Variants in AUTS2 observed in about 807,000 individuals in gnomAD.
AUTS2 encodes autism susceptibility gene 2 protein.
A neutral mutation model predicts 112.4 loss-of-function variants in AUTS2; 17 were observed. The observed-to-expected ratio is 0.15, with a 90% CI of 0.10 to 0.23. AUTS2 has a LOEUF of 0.23. AUTS2 is among the 10% of genes least tolerant of loss of function. The probability of loss-of-function intolerance (pLI) is 1.00; values close to 1 mark genes in which losing one functional copy is unlikely to be tolerated. For missense variants in AUTS2, 1,510 were observed against 1,701.6 expected (o/e 0.89, Z 1.98); for synonymous variants, 751 against 702.7 (o/e 1.07, Z -1.09).
chr7:70,766,417 G>A lies in AUTS2; in HGVS notation c.1689+83G>A, dbSNP rs925676997. 3.0e-5 allele frequency: 45 copies of A among 1,522,628 alleles called. 1 individual carries two copies. In the African/African-American group the frequency reaches 5.0e-4, roughly 17 times the overall value. 94.3% of individuals were successfully genotyped at this position (1,522,628 alleles called of 1,614,324 possible). On this transcript the variant is annotated intron_variant, in intron 9 of 18. Coordinates refer to ENST00000342771, the MANE Select transcript of AUTS2 (RefSeq NM_015570.4). The surrounding 1 kb of genome is among the most constrained non-coding windows in gnomAD (Gnocchi z 4.8). ...AGCACGTGGGACCGGGCTGGGCAGC[G>A]GGGCCACCAGAGATCGAATGGGGAC...
At chr7:70,619,417 C>T (rs1047231880) in intron 5 of AUTS2, among the ~76,000 whole-genome samples, 3 of 152,050 alleles carry the variant, frequency 2.0e-5, no homozygotes, top group Non-Finnish European at 2.9e-5. Context: ...GGAGTGCGTG[C>T]GGCCTGCCAT....
chr7:70,073,545 T>C (rs964872137), intron 2 of AUTS2, among the ~76,000 whole-genome samples: 1 of 151,910 alleles, frequency 6.6e-6, no homozygotes, highest in African/African-American at 2.4e-5. Context: ...TGGGTCAGCC[T>C]TGAGTAGTGG....
intron 5 of AUTS2, among the ~76,000 whole-genome samples, chr7:70,454,290 T>C (rs370780419): frequency 6.6e-6 from 1 of 152,102 alleles, no homozygotes. Flanking sequence ...ATCCCAACAC[T>C]TTGGGAGGCC....
intron 1 of AUTS2, among the ~76,000 whole-genome samples, chr7:69,638,738 A>G (rs1794666300): frequency 6.6e-6 from 1 of 152,210 alleles, no homozygotes; most frequent in African/African-American, 2.4e-5. Context: ...AAAGACATTG[A>G]ATTGACTTCT....
At chr7:69,986,084 G>A (rs1351166686) in intron 2 of AUTS2, among the ~76,000 whole-genome samples, 1 of 152,096 alleles carries the variant, frequency 6.6e-6, no homozygotes, top group Non-Finnish European at 1.5e-5. Flanking sequence ...GTCTTACTCT[G>A]TTATTGTTTC....
intron 5 of AUTS2, among the ~76,000 whole-genome samples, chr7:70,441,206 T>C (rs1012293113): frequency 2.0e-5 from 3 of 152,156 alleles, no homozygotes; most frequent in African/African-American, 7.2e-5. Context: ...GATTGCAGTT[T>C]TTTCTCTCTG....
At chr7:70,003,215 T>TATATATGAATATAA (rs1563029289) in intron 2 of AUTS2, among the ~76,000 whole-genome samples, 1 of 133,174 alleles carries the variant, frequency 7.5e-6, no homozygotes, top group Admixed American at 8.4e-5. Context: ...TATGAATATA[T>TATATATGAATATAA]TATATATGAA....
At chr7:70,346,793 C>G (rs1374283978) in intron 4 of AUTS2, among the ~76,000 whole-genome samples, 1 of 152,162 alleles carries the variant, frequency 6.6e-6, no homozygotes, top group Non-Finnish European at 1.5e-5. Context: ...GCGCCAGGCT[C>G]CATGGTCCCC....
intron 4 of AUTS2, among the ~76,000 whole-genome samples, chr7:70,284,431 T>G (rs1788365260): frequency 6.6e-6 from 1 of 152,164 alleles, no homozygotes; most frequent in Non-Finnish European, 1.5e-5. Context: ...CATGTTATTA[T>G]GTGTTGGGAA....
rs574610218 is a variant in AUTS2, at chr7:69,980,047, A to C, written c.522+80549A>C. Among the ~76,000 whole-genome samples the C allele has an allele frequency of 3.3e-5, 5 of 152,264 alleles. No individual in the cohort carries two copies. The East Asian group carries it at 7.7e-4, about 24-fold the overall frequency. Reference sequence around the variant, plus strand: ...AGCTTCTATCCCTTCTCTTCTCCACATGGTACCACCAGACTTTTCCCCACT... The same window carrying C: ...AGCTTCTATCCCTTCTCTTCTCCACCTGGTACCACCAGACTTTTCCCCACT... On this transcript the variant is annotated intron_variant, in intron 2 of 18. Coordinates refer to ENST00000342771, the MANE Select transcript of AUTS2 (RefSeq NM_015570.4).
chr7:70,331,835 T>C (rs1790766129), intron 4 of AUTS2, among the ~76,000 whole-genome samples: 1 of 152,174 alleles, frequency 6.6e-6, no homozygotes, highest in African/African-American at 2.4e-5. Context: ...TAATAAAAGC[T>C]ATTTATGACA....
chr7:69,904,013 G>C (rs1795064325), intron 2 of AUTS2, among the ~76,000 whole-genome samples: 1 of 152,192 alleles, frequency 6.6e-6, no homozygotes, highest in Non-Finnish European at 1.5e-5. Context: ...AGGAAGAAGA[G>C]GAATCCATCC....
At chr7:70,573,936 A>G (rs1379432332) in intron 5 of AUTS2, among the ~76,000 whole-genome samples, 1 of 152,122 alleles carries the variant, frequency 6.6e-6, no homozygotes. Context: ...ATCTTGCTGA[A>G]ATTTGGGGGA....
chr7:69,902,257 A>C (rs1438999179), intron 2 of AUTS2, among the ~76,000 whole-genome samples: 1 of 152,158 alleles, frequency 6.6e-6, no homozygotes, highest in African/African-American at 2.4e-5. Flanking sequence ...GTAGATGTTC[A>C]AAAAGCTTGT....
At chr7:69,620,385 T>C (rs991608435) in intron 1 of AUTS2, among the ~76,000 whole-genome samples, 1 of 152,218 alleles carries the variant, frequency 6.6e-6, no homozygotes, top group Non-Finnish European at 1.5e-5. Flanking sequence ...TACCGTCAGA[T>C]GGACCCCTGA....
intron 1 of AUTS2, among the ~76,000 whole-genome samples, chr7:69,855,500 T>C (rs916261419): frequency 2.0e-5 from 3 of 152,210 alleles, no homozygotes; most frequent in African/African-American, 7.2e-5. Flanking sequence ...TGCATTTTAG[T>C]AATATTTTAT....
intron 4 of AUTS2, among the ~76,000 whole-genome samples, chr7:70,153,869 G>A (rs1807592519): frequency 6.6e-6 from 1 of 152,092 alleles, no homozygotes; most frequent in Non-Finnish European, 1.5e-5. Flanking sequence ...TAGAATTACG[G>A]GAGAGAAAAT....
At chr7:70,026,977 A>AT (rs72301604) in intron 2 of AUTS2, among the ~76,000 whole-genome samples, 2,147 of 147,504 alleles carry the variant, frequency 0.015, 51 homozygotes, top group African/African-American at 0.046. Context: ...GTGCAAAATC[A>AT]TTTTTTTTTT....
intron 1 of AUTS2, among the ~76,000 whole-genome samples, chr7:69,739,578 T>A (rs1234348163): frequency 6.6e-6 from 1 of 152,120 alleles, no homozygotes; most frequent in Non-Finnish European, 1.5e-5. Flanking sequence ...CAAAAATACC[T>A]CAACCAAATT....
Sources: gnomAD v4.1 joint callset for allele counts (sites outside exome capture counted in the v4.1 genomes callset) on GRCh38, gnomAD v4.1.1 for gene constraint, Gnocchi (gnomAD v3.1) non-coding constraint, MANE v1.5 for transcripts, NCBI Gene and HGNC (gene_info 2026-07-23, HGNC 2026-07-21) for gene names.